The following TTC39B variants were observed in gnomAD, a reference collection of about 807,000 sequenced individuals.
TTC39B encodes the protein tetratricopeptide repeat protein 39B.
A neutral mutation model predicts 96.6 loss-of-function variants in TTC39B; 92 were observed. The observed-to-expected ratio is 0.95, with a 90% CI of 0.80 to 1.13. TTC39B has a LOEUF of 1.13. Among genes scored for constraint, TTC39B ranks in the 50% most tolerant of loss-of-function variants. TTC39B has a pLI of 0.00. For synonymous variants in TTC39B, 367 were observed against 299.4 expected (o/e 1.23, Z -2.33); for missense variants, 955 against 809.3 (o/e 1.18, Z -2.18).
intron 7 of TTC39B, among the ~76,000 whole-genome samples, chr9:15,202,177 A>G (rs1189298189): frequency 6.6e-6 from 1 of 152,234 alleles, no homozygotes. Context: ...ATATAAAATA[A>G]GCCTTCAAAT....
chr9:15,216,841 A>G (rs1820545848), intron 3 of TTC39B, among the ~76,000 whole-genome samples: 1 of 152,218 alleles, frequency 6.6e-6, no homozygotes, highest in South Asian at 2.1e-4. Flanking sequence ...CTTTCATTCT[A>G]CTGGAGAAGG....
At chr9:15,283,216 A>G (rs1364834609) in intron 1 of TTC39B, among the ~76,000 whole-genome samples, 1 of 152,238 alleles carries the variant, frequency 6.6e-6, no homozygotes, top group African/African-American at 2.4e-5. Context: ...ATCAAGTGGA[A>G]TATCACTAAA....
intron 2 of TTC39B, among the ~76,000 whole-genome samples, chr9:15,247,476 G>A (rs1018075148): frequency 6.6e-6 from 1 of 152,140 alleles, no homozygotes; most frequent in Non-Finnish European, 1.5e-5. Flanking sequence ...CATTACAGGA[G>A]ACAAGTCCTG....
At chr9:15,208,710 A>G (rs1820017683) in intron 6 of TTC39B, among the ~76,000 whole-genome samples, 1 of 152,206 alleles carries the variant, frequency 6.6e-6, no homozygotes, top group Admixed American at 6.5e-5. Context: ...TAGAATGACC[A>G]ATGAAATGCC....
intron 2 of TTC39B, among the ~76,000 whole-genome samples, chr9:15,228,395 C>T (rs1049045344): frequency 3.9e-5 from 6 of 152,050 alleles, no homozygotes; most frequent in Non-Finnish European, 8.8e-5. Flanking sequence ...ACCCGGGAGG[C>T]GGAGGTTGCA....
chr9:15,275,532 C>T (rs1052514883), intron 1 of TTC39B, among the ~76,000 whole-genome samples: 2 of 152,168 alleles, frequency 1.3e-5, no homozygotes, highest in Admixed American at 6.5e-5. Context: ...AGCATCGATA[C>T]GCCAAGCGCT....
intron 1 of TTC39B, among the ~76,000 whole-genome samples, chr9:15,280,501 C>T (rs1823719007): frequency 6.6e-6 from 1 of 152,198 alleles, no homozygotes; most frequent in African/African-American, 2.4e-5. Context: ...CCAAAAAACT[C>T]ACTGCCTTCA....
At position 15,187,570 on chromosome 9, in the gene TTC39B, C is replaced by T. The variant is rs185398482; in HGVS notation, c.1395+401G>A. 1.5e-3 allele frequency among the ~76,000 whole-genome samples: 230 copies of T among 152,322 alleles called. 1 individual carries two copies. Among genetic ancestry groups the T allele is most frequent in the African/African-American group, 5.1e-3 (210 of 41,564 alleles). On this transcript the variant is annotated intron_variant, in intron 14 of 19. Coordinates refer to ENST00000512701, the Ensembl canonical transcript of TTC39B. ...GAACTCTTGGACTCAAGCTATCCTC[C>T]TGCCTCAGCCTCCCACGTAGAAGGG...
chr9:15,307,197 G>C lies in TTC39B; in HGVS notation c.127C>G (p.Pro43Ala), dbSNP rs764638288. The change falls in exon 1 of 20, where the codon CCA (proline) becomes GCA (alanine). Residue 43 changes from proline to alanine, a missense_variant. Transcript: ENST00000512701. ...GAGCCGACTCCTGCTCTCGGCTCTG[G>C]GCTCAGCCCAGCGCAAAGGAGGGCA... 26 of 1,572,242 alleles carry C rather than the reference G, an allele frequency of 1.7e-5. No homozygotes were observed. The highest frequency in any genetic ancestry group is 2.2e-5 in the Non-Finnish European group (25 of 1,157,530).
intron 9 of TTC39B, among the ~76,000 whole-genome samples, chr9:15,192,200 C>T (rs1028271258): frequency 8.5e-5 from 13 of 152,222 alleles, no homozygotes; most frequent in Admixed American, 7.2e-4. Context: ...ACTACTCAGA[C>T]TTCCATCTCC....
At chr9:15,180,764 T>C (rs915228484) in intron 17 of TTC39B, among the ~76,000 whole-genome samples, 3 of 152,160 alleles carry the variant, frequency 2.0e-5, no homozygotes, top group Admixed American at 6.5e-5. Context: ...GTCCTAACAG[T>C]TCAAGGTGGG....
At chr9:15,194,696 T>A (rs1196353018) in intron 8 of TTC39B, among the ~76,000 whole-genome samples, 1 of 152,236 alleles carries the variant, frequency 6.6e-6, no homozygotes, top group Non-Finnish European at 1.5e-5. Flanking sequence ...TCATAAAATT[T>A]CCAAACTTTT....
At chr9:15,245,782 T>C (rs1822245527) in intron 2 of TTC39B, among the ~76,000 whole-genome samples, 1 of 152,214 alleles carries the variant, frequency 6.6e-6, no homozygotes, top group South Asian at 2.1e-4. Flanking sequence ...CCATACCACT[T>C]GGTCACTAAA....
chr9:15,232,647 T>A (rs967223272), intron 2 of TTC39B, among the ~76,000 whole-genome samples: 1 of 151,910 alleles, frequency 6.6e-6, no homozygotes, highest in Non-Finnish European at 1.5e-5. Context: ...ATCCAAGAAA[T>A]GAGGGAAGAG....
exon 20 of TTC39B, chr9:15,167,022 ATATATATTTTTT>A (rs1817540604): frequency 1.1e-4 from 1 of 9,292 alleles, no homozygotes; most frequent in Non-Finnish European, 1.7e-4. Context: ...ATATATATAT[ATATATATTTTTT>A]TTTTTTTTTT....
At chr9:15,169,973 A>C (rs1817597784) in exon 20 of TTC39B, 1 of 152,154 alleles carries the variant, frequency 6.6e-6, no homozygotes, top group Non-Finnish European at 1.5e-5. Flanking sequence ...CCACAGTCAC[A>C]ATGTGAGTGT....
intron 2 of TTC39B, among the ~76,000 whole-genome samples, chr9:15,244,947 A>G (rs1175263917): frequency 6.6e-6 from 1 of 152,142 alleles, no homozygotes; most frequent in East Asian, 1.9e-4. Flanking sequence ...AGGAAGAAAA[A>G]AAATAAAGGC....
At chr9:15,274,398 C>T (rs976545621) in intron 1 of TTC39B, among the ~76,000 whole-genome samples, 1 of 152,272 alleles carries the variant, frequency 6.6e-6, no homozygotes, top group Middle Eastern at 3.4e-3. Context: ...ATCTGCAGTG[C>T]CACATTTTTT....
chr9:15,190,878 T>A (rs993224691), intron 10 of TTC39B, among the ~76,000 whole-genome samples: 1 of 151,768 alleles, frequency 6.6e-6, no homozygotes, highest in Admixed American at 6.6e-5. Context: ...ACCCCTCCCA[T>A]CTTTGGTCAA....
Sources: gnomAD v4.1 joint callset for allele counts (sites outside exome capture counted in the v4.1 genomes callset) on GRCh38, gnomAD v4.1.1 for gene constraint, MANE v1.5 for transcripts, NCBI Gene and HGNC (gene_info 2026-07-23, HGNC 2026-07-21) for gene names.